ROBO2: variants seen among roughly 807,000 people sequenced by gnomAD.
The protein encoded by ROBO2 is roundabout guidance receptor 2.
Under a neutral mutation model 160.8 loss-of-function variants are expected in ROBO2, and 53 were observed. That is an observed-to-expected ratio of 0.33 (90% CI 0.26 to 0.41). ROBO2 has a LOEUF of 0.41. ROBO2 is among the 10% of genes least tolerant of loss of function. ROBO2 has a pLI of 1.00. For synonymous variants in ROBO2, 664 were observed against 611.7 expected (o/e 1.09, Z -1.26); for missense variants, 1,577 against 1,722.4 (o/e 0.92, Z 1.49).
rs914552642 is a variant in ROBO2, at chr3:76,174,095, G to A, written c.109+236493G>A. ...TGGTATCTCATTGTGGTTTTGATTT[G>A]CATTGCTCTAATGGCCAGTGATGAT... On this transcript the variant is annotated intron_variant, in intron 2 of 26. Coordinates refer to the ROBO2 transcript ENST00000487694. Among the ~76,000 whole-genome samples the A allele has an allele frequency of 6.6e-5, 10 of 152,266 alleles. No individual in the cohort carries two copies. The South Asian group carries it at 2.1e-3, about 32-fold the overall frequency.
chr3:77,500,516 T>C (rs1311296483), intron 5 of ROBO2, among the ~76,000 whole-genome samples: 1 of 152,210 alleles, frequency 6.6e-6, no homozygotes, highest in African/African-American at 2.4e-5. Context: ...TACTATATTA[T>C]GAATAACTAA....
chr3:76,937,882 C>A (rs953670204), intron 2 of ROBO2, among the ~76,000 whole-genome samples: 2 of 152,134 alleles, frequency 1.3e-5, no homozygotes, highest in African/African-American at 2.4e-5. Flanking sequence ...CTCTACCTAC[C>A]CATACGTATT....
intron 2 of ROBO2, among the ~76,000 whole-genome samples, chr3:76,129,988 T>C (rs1052003549): frequency 5.9e-5 from 9 of 152,026 alleles, no homozygotes; most frequent in African/African-American, 2.2e-4. Context: ...ATAAAAAACA[T>C]ATGAGAAGGT....
chr3:76,308,059 A>G (rs1383396455), intron 2 of ROBO2, among the ~76,000 whole-genome samples: 1 of 152,120 alleles, frequency 6.6e-6, no homozygotes, highest in Non-Finnish European at 1.5e-5. Context: ...GCCTCAGTTT[A>G]TACTGTACTA....
intron 2 of ROBO2, among the ~76,000 whole-genome samples, chr3:76,431,130 T>TA (rs2109016165): frequency 6.6e-6 from 1 of 152,176 alleles, no homozygotes; most frequent in East Asian, 1.9e-4. Flanking sequence ...TTAAACAGCA[T>TA]AAAAGTTCAT....
At chr3:76,082,758 C>T (rs949054480) in intron 2 of ROBO2, among the ~76,000 whole-genome samples, 5 of 151,900 alleles carry the variant, frequency 3.3e-5, no homozygotes, top group Non-Finnish European at 2.9e-5. Flanking sequence ...ATCATTTTCC[C>T]ACTAGTATGT....
chr3:77,013,029 A>T (rs753394661), intron 2 of ROBO2, among the ~76,000 whole-genome samples: 2 of 152,130 alleles, frequency 1.3e-5, no homozygotes, highest in Non-Finnish European at 2.9e-5. Context: ...GTGGGGGAGG[A>T]AGTGTTTCTA....
exon 1 of ROBO2, chr3:77,040,389 A>G (rs1391962686): frequency 1.9e-5 from 19 of 1,010,748 alleles, no homozygotes; most frequent in Non-Finnish European, 2.0e-5. Context: ...TTTGTGGAAC[A>G]CTTTCTAGGA....
intron 2 of ROBO2, among the ~76,000 whole-genome samples, chr3:77,377,266 C>T (rs947293045): frequency 6.6e-6 from 1 of 152,016 alleles, no homozygotes; most frequent in South Asian, 2.1e-4. Flanking sequence ...TATCTTGTTC[C>T]CCTAGCCCAT....
chr3:77,417,892 C>T (rs2077389420), intron 2 of ROBO2, among the ~76,000 whole-genome samples: 1 of 151,892 alleles, frequency 6.6e-6, no homozygotes, highest in Non-Finnish European at 1.5e-5. Context: ...ATATTAATTC[C>T]TTTAAGGTAT....
At chr3:76,188,215 C>T (rs1182681697) in intron 2 of ROBO2, among the ~76,000 whole-genome samples, 1 of 151,800 alleles carries the variant, frequency 6.6e-6, no homozygotes, top group African/African-American at 2.4e-5. Flanking sequence ...TTGAATGTGA[C>T]CTTTTTGGAA....
chr3:75,944,334 C>G (rs1295635630), intron 2 of ROBO2, among the ~76,000 whole-genome samples: 2 of 152,144 alleles, frequency 1.3e-5, no homozygotes, highest in Non-Finnish European at 2.9e-5. Flanking sequence ...CAGATCTTGG[C>G]AGAAATTACT....
chr3:76,266,365 G>A (rs898736345), intron 2 of ROBO2, among the ~76,000 whole-genome samples: 33 of 152,106 alleles, frequency 2.2e-4, no homozygotes, highest in Admixed American at 1.1e-3. Context: ...TTACTGTAAG[G>A]TTATTTTAGC....
At chr3:76,353,965 C>T (rs372979378) in intron 2 of ROBO2, among the ~76,000 whole-genome samples, 252 of 151,906 alleles carry the variant, frequency 1.7e-3, no homozygotes, top group Middle Eastern at 0.014. Context: ...TTATTACAGT[C>T]GGAGACGAAG....
chr3:76,135,514 C>T (rs1363053098), intron 2 of ROBO2, among the ~76,000 whole-genome samples: 1 of 152,068 alleles, frequency 6.6e-6, no homozygotes, highest in East Asian at 1.9e-4. Context: ...ATTCCTTAAT[C>T]CACTCAACAT....
At chr3:76,102,159 C>T (rs961336806) in intron 2 of ROBO2, among the ~76,000 whole-genome samples, 12 of 152,184 alleles carry the variant, frequency 7.9e-5, no homozygotes, top group African/African-American at 2.9e-4. Flanking sequence ...AACACTACCA[C>T]ACGAGGCTAC....
chr3:76,448,434 G>C (rs558895655), intron 2 of ROBO2, among the ~76,000 whole-genome samples: 44 of 152,206 alleles, frequency 2.9e-4, no homozygotes, highest in African/African-American at 1.0e-3. Flanking sequence ...GAGCACCAAG[G>C]CCAGTTCACC....
intron 2 of ROBO2, among the ~76,000 whole-genome samples, chr3:76,809,979 G>C (rs2065036415): frequency 6.6e-6 from 1 of 152,028 alleles, no homozygotes; most frequent in Non-Finnish European, 1.5e-5. Context: ...TTGTATTTCA[G>C]AGATATTATT....
chr3:76,432,596 C>T (rs2076485678), intron 2 of ROBO2, among the ~76,000 whole-genome samples: 1 of 152,044 alleles, frequency 6.6e-6, no homozygotes, highest in African/African-American at 2.4e-5. Context: ...CCTCAGTTCC[C>T]AACTATGTGA....
Sources: gnomAD v4.1 joint callset for allele counts (sites outside exome capture counted in the v4.1 genomes callset) on GRCh38, gnomAD v4.1.1 for gene constraint, MANE v1.5 for transcripts, NCBI Gene and HGNC (gene_info 2026-07-23, HGNC 2026-07-21) for gene names.